Variants in RASAL2 observed in about 807,000 individuals in gnomAD.
RASAL2 encodes the protein ras GTPase-activating protein nGAP.
RASAL2 carries 58 observed loss-of-function variants against 128.9 expected under a neutral mutation model. The observed-to-expected ratio is 0.45, with a 90% CI of 0.36 to 0.56. The LOEUF is 0.56. RASAL2 is among the 20% of genes least tolerant of loss of function. The probability of loss-of-function intolerance (pLI) is 0.00; values close to 1 mark genes in which losing one functional copy is unlikely to be tolerated. For synonymous variants in RASAL2, 561 were observed against 580.8 expected, an observed-to-expected ratio of 0.97 and a Z score of 0.49; for missense variants, 1,360 against 1,601.6, an observed-to-expected ratio of 0.85 and a Z score of 2.57.
intron 3 of RASAL2, among the ~76,000 whole-genome samples, chr1:178,329,158 A>G (rs918338239): frequency 6.6e-6 from 1 of 152,216 alleles, no homozygotes; most frequent in East Asian, 1.9e-4. Flanking sequence ...GGCAAAGCAA[A>G]CACCTTTACA....
At chr1:178,408,846 A>G (rs1275679582) in intron 4 of RASAL2, among the ~76,000 whole-genome samples, 1 of 152,172 alleles carries the variant, frequency 6.6e-6, no homozygotes, top group Non-Finnish European at 1.5e-5. Flanking sequence ...GTGTGAGGCT[A>G]CCTAGGCTCA....
intron 3 of RASAL2, among the ~76,000 whole-genome samples, chr1:178,332,757 G>A (rs1344406740): frequency 1.3e-5 from 2 of 150,592 alleles, no homozygotes; most frequent in African/African-American, 4.9e-5. Context: ...GACTACAGGT[G>A]CCCGCCACCA....
chr1:178,404,483 C>G (rs544843573), intron 4 of RASAL2, among the ~76,000 whole-genome samples: 79 of 151,348 alleles, frequency 5.2e-4, no homozygotes, highest in African/African-American at 1.8e-3. Context: ...TGGATTCAAG[C>G]CATTCTCCTG....
chr1:178,096,350 C>G (rs540153487), intron 1 of RASAL2, among the ~76,000 whole-genome samples: 1 of 152,242 alleles, frequency 6.6e-6, no homozygotes, highest in African/African-American at 2.4e-5. Flanking sequence ...TCTGGGTTCT[C>G]TGGACCTAGT....
chr1:178,248,260 G>A (rs1483149550), intron 1 of RASAL2, among the ~76,000 whole-genome samples: 1 of 152,138 alleles, frequency 6.6e-6, no homozygotes, highest in African/African-American at 2.4e-5. Context: ...CTCCTGTATT[G>A]ACTGCTTATA....
intron 1 of RASAL2, among the ~76,000 whole-genome samples, chr1:178,226,723 G>A (rs1663802596): frequency 6.6e-6 from 1 of 152,174 alleles, no homozygotes; most frequent in African/African-American, 2.4e-5. Flanking sequence ...GAGGCAGGCA[G>A]ATCACCTGAG....
At chr1:178,439,217 T>C (rs1676463026) in intron 5 of RASAL2, among the ~76,000 whole-genome samples, 1 of 152,182 alleles carries the variant, frequency 6.6e-6, no homozygotes, top group South Asian at 2.1e-4. Context: ...AAAGTGTGTG[T>C]GCACTCACAT....
intron 2 of RASAL2, 72 bp downstream of exon 2, chr1:178,283,763 T>C: frequency 1.3e-6 from 2 of 1,570,282 alleles, no homozygotes; most frequent in East Asian, 2.3e-5. Context: ...TAGTTTTTGT[T>C]TGCATTTTGA....
chr1:178,335,680 G>A (rs990601442), intron 3 of RASAL2, among the ~76,000 whole-genome samples: 2 of 152,152 alleles, frequency 1.3e-5, no homozygotes, highest in African/African-American at 4.8e-5. Context: ...CTGCCTCTCA[G>A]ATTCTGAGTG....
intron 1 of RASAL2, among the ~76,000 whole-genome samples, chr1:178,259,161 C>T (rs1378432990): frequency 5.6e-5 from 7 of 124,078 alleles, no homozygotes; most frequent in African/African-American, 1.6e-4. Context: ...GACGGAGTCT[C>T]GCTCTGTGGC....
intron 4 of RASAL2, among the ~76,000 whole-genome samples, chr1:178,419,658 G>A (rs1194042954): frequency 6.6e-6 from 1 of 152,120 alleles, no homozygotes; most frequent in African/African-American, 2.4e-5. Flanking sequence ...TTTCTTGAAA[G>A]TAGTGACCGT....
chr1:178,238,100 C>T (rs1664334404), intron 1 of RASAL2, among the ~76,000 whole-genome samples: 1 of 152,178 alleles, frequency 6.6e-6, no homozygotes, highest in Non-Finnish European at 1.5e-5. Flanking sequence ...AAGGTCCCAT[C>T]CATCAGACCT....
At chr1:178,331,352 A>G (rs918907629) in intron 3 of RASAL2, among the ~76,000 whole-genome samples, 24 of 152,056 alleles carry the variant, frequency 1.6e-4, no homozygotes, top group Non-Finnish European at 3.5e-4. Context: ...GCAGCGTTCT[A>G]TACTCCCGTG....
At position 178,389,753 on chromosome 1, in the gene RASAL2, A is replaced by G. The variant is rs981520472; in HGVS notation, c.458-347A>G. Among the ~76,000 whole-genome samples the G allele has an allele frequency of 5.3e-5, 8 of 152,356 alleles. No homozygotes were observed. The East Asian group carries it at 9.6e-4, about 18-fold the overall frequency. ...AATATTAGAAATTCCATTTTATTCTATTAACTCCTACATTGCTGACATGTA... is the reference window on the plus strand; with the variant it reads ...AATATTAGAAATTCCATTTTATTCTGTTAACTCCTACATTGCTGACATGTA... On this transcript the variant is annotated intron_variant, in intron 3 of 17. Transcript: ENST00000367649.
chr1:178,466,224 C>T, intron 16 of RASAL2, 102 bp downstream of exon 16: 1 of 1,123,678 alleles, frequency 8.9e-7, no homozygotes, highest in Non-Finnish European at 1.2e-6. Context: ...CATTTTTATC[C>T]TTGTGGTACT....
chr1:178,134,533 A>C (rs958903000), intron 1 of RASAL2, among the ~76,000 whole-genome samples: 1 of 152,088 alleles, frequency 6.6e-6, no homozygotes, highest in African/African-American at 2.4e-5. Flanking sequence ...GGCAATCGAC[A>C]TCAGTTAATC....
At chr1:178,168,751 G>A (rs536810785) in intron 1 of RASAL2, among the ~76,000 whole-genome samples, 3 of 152,164 alleles carry the variant, frequency 2.0e-5, no homozygotes, top group East Asian at 1.9e-4. Flanking sequence ...TGAGAGGTGG[G>A]TTGTGAGTCA....
intron 3 of RASAL2, among the ~76,000 whole-genome samples, chr1:178,346,590 A>C (rs542447692): frequency 1.6e-4 from 24 of 152,262 alleles, no homozygotes; most frequent in Admixed American, 3.3e-4. Flanking sequence ...GAAATTTTGA[A>C]ATATGCTTTT....
intron 5 of RASAL2, among the ~76,000 whole-genome samples, 192 bp from the exon 6 acceptor site, chr1:178,439,230 A>C (rs1453384314): frequency 6.6e-6 from 1 of 152,030 alleles, no homozygotes; most frequent in Non-Finnish European, 1.5e-5. Flanking sequence ...ACTCACATAG[A>C]TATATAGAGA....
Sources: gnomAD v4.1 joint callset for allele counts (sites outside exome capture counted in the v4.1 genomes callset) on GRCh38, gnomAD v4.1.1 for gene constraint, MANE v1.5 for transcripts, NCBI Gene and HGNC (gene_info 2026-07-23, HGNC 2026-07-21) for gene names.